SLC25A13: variants seen among roughly 807,000 people sequenced by gnomAD.
SLC25A13 encodes the protein solute carrier family 25 member 13.
Under a neutral mutation model 85.5 loss-of-function variants are expected in SLC25A13, and 70 were observed. The ratio of observed to expected loss-of-function variants is 0.82; its 90% confidence interval spans 0.68 to 1.00. SLC25A13 has a LOEUF of 1.00. SLC25A13 is among the 50% of genes least tolerant of loss of function. The pLI is 0.00. For synonymous variants in SLC25A13, 259 were observed against 288.7 expected, an observed-to-expected ratio of 0.90 and a Z score of 1.04; for missense variants, 765 against 819.8, an observed-to-expected ratio of 0.93 and a Z score of 0.82.
chr7:96,289,008 A>AG (rs1799005106), intron 2 of SLC25A13, among the ~76,000 whole-genome samples: 1 of 152,182 alleles, frequency 6.6e-6, no homozygotes, highest in South Asian at 2.1e-4. Flanking sequence ...GGCGCCCCCC[A>AG]GTAGGGGCAG....
chr7:96,208,566 T>C (rs919729126), intron 5 of SLC25A13, among the ~76,000 whole-genome samples: 6 of 150,800 alleles, frequency 4.0e-5, no homozygotes, highest in Non-Finnish European at 8.9e-5. Context: ...ACTGCAGTGG[T>C]GCGATCTCAG....
intron 11 of SLC25A13, 62 bp from the exon 12 acceptor site, chr7:96,171,586 A>T: frequency 7.1e-7 from 1 of 1,404,046 alleles, no homozygotes; most frequent in East Asian, 2.4e-5. Flanking sequence ...ACAAATCAAC[A>T]GTTCTACAGA....
intron 13 of SLC25A13, among the ~76,000 whole-genome samples, chr7:96,153,706 C>G (rs966739988): frequency 1.3e-5 from 2 of 152,230 alleles, no homozygotes; most frequent in Non-Finnish European, 1.5e-5. Context: ...TTATTGCCCA[C>G]TCTATTAGTA....
intron 3 of SLC25A13, among the ~76,000 whole-genome samples, chr7:96,241,516 C>T (rs1268047999): frequency 1.3e-5 from 2 of 152,090 alleles, no homozygotes; most frequent in East Asian, 3.9e-4. Context: ...GTCATTTACA[C>T]AATGATGTGT....
intron 14 of SLC25A13, among the ~76,000 whole-genome samples, chr7:96,134,408 A>G (rs930440532): frequency 1.8e-4 from 28 of 152,178 alleles, no homozygotes; most frequent in African/African-American, 6.7e-4. Flanking sequence ...AACAGTCACT[A>G]ATTTTGTATT....
intron 13 of SLC25A13, among the ~76,000 whole-genome samples, chr7:96,164,711 T>TACACACACACGCAC (rs1554344474): frequency 7.0e-5 from 10 of 143,040 alleles, no homozygotes; most frequent in African/African-American, 2.6e-4. Context: ...GGATTAACTT[T>TACACACACACGCAC]ACACACACAC....
intron 15 of SLC25A13, among the ~76,000 whole-genome samples, chr7:96,128,914 A>G (rs1446381056): frequency 6.8e-6 from 1 of 147,504 alleles, no homozygotes; most frequent in Non-Finnish European, 1.5e-5. Context: ...AAGTCATAGA[A>G]GACACTGCAG....
At chr7:96,145,021 T>A (rs780269859) in intron 14 of SLC25A13, among the ~76,000 whole-genome samples, 1 of 152,198 alleles carries the variant, frequency 6.6e-6, no homozygotes, top group Non-Finnish European at 1.5e-5. Context: ...TTTCTTCAAA[T>A]TGATCAATGC....
intron 3 of SLC25A13, among the ~76,000 whole-genome samples, chr7:96,249,850 A>C (rs1797341476): frequency 7.6e-6 from 1 of 130,904 alleles, no homozygotes; most frequent in South Asian, 2.6e-4. Context: ...TCCTTCAGAA[A>C]TTGGTTACTG....
intron 1 of SLC25A13, among the ~76,000 whole-genome samples, chr7:96,321,516 G>C (rs948842729): frequency 1.3e-5 from 2 of 151,992 alleles, no homozygotes; most frequent in African/African-American, 2.4e-5. Context: ...GCTTCAGCCC[G>C]GGCTCTGGCC....
chr7:96,136,663 A>G (rs1239394443), intron 14 of SLC25A13, among the ~76,000 whole-genome samples: 1 of 152,188 alleles, frequency 6.6e-6, no homozygotes, highest in African/African-American at 2.4e-5. Flanking sequence ...GTCTTTTTGC[A>G]TGCTAATTCC....
At chr7:96,213,662 C>T (rs1185782726) in intron 4 of SLC25A13, among the ~76,000 whole-genome samples, 5 of 152,132 alleles carry the variant, frequency 3.3e-5, no homozygotes, top group Admixed American at 6.5e-5. Flanking sequence ...CAGAATAACT[C>T]GTAACTCAGT....
At chr7:96,224,214 C>A (rs747966901) in intron 4 of SLC25A13, among the ~76,000 whole-genome samples, 2 of 152,102 alleles carry the variant, frequency 1.3e-5, no homozygotes, top group Non-Finnish European at 2.9e-5. Flanking sequence ...TACTGTGAAG[C>A]CTAAATAATG....
intron 4 of SLC25A13, among the ~76,000 whole-genome samples, chr7:96,221,195 A>G (rs114928689): frequency 0.013 from 1,936 of 152,272 alleles, 39 homozygotes; most frequent in African/African-American, 0.045. Context: ...GAACTGGAAC[A>G]GTTTCTGGAC....
chr7:96,153,588 T>C (rs1793133526), intron 13 of SLC25A13, among the ~76,000 whole-genome samples: 1 of 152,148 alleles, frequency 6.6e-6, no homozygotes, highest in African/African-American at 2.4e-5. Context: ...CCACAGCGGG[T>C]TCTCTATTAA....
At position 96,170,120 on chromosome 7, in the gene SLC25A13, G is replaced by A. The variant is rs747257110; in HGVS notation, c.1236C>T (p.Asn412=). ...GCATAAATTTATCCCTCACAAAATC[G>A]TTCACCTTGAAGAAAAATATTTATA... is the stretch of plus-strand genomic sequence containing the variant. The part of the protein sequence containing the change: ...APEKAIKLTV[N]DFVRDKFMHK... Residue 412 remains asparagine, a synonymous_variant, in exon 13 of 18, where the codon AAC becomes AAT. Transcript: ENST00000265631. 3.7e-5 allele frequency: 59 copies of A among 1,613,878 alleles called. No homozygotes were observed. In the Admixed American group the frequency reaches 4.0e-4, roughly 11 times the overall value.
chr7:96,143,616 CTATT>C (rs1479760184), intron 14 of SLC25A13, among the ~76,000 whole-genome samples: 6 of 152,182 alleles, frequency 3.9e-5, no homozygotes, highest in Admixed American at 3.3e-4. Context: ...TTGTGCTAAA[CTATT>C]TCTTACTTTA....
intron 2 of SLC25A13, among the ~76,000 whole-genome samples, chr7:96,291,974 A>C (rs564112905): frequency 7.5e-4 from 114 of 152,232 alleles, no homozygotes; most frequent in African/African-American, 2.5e-3. Flanking sequence ...GAGACACAAC[A>C]AAAAAAGAGC....
chr7:96,207,764 T>C (rs1795513482), intron 5 of SLC25A13, among the ~76,000 whole-genome samples: 1 of 152,142 alleles, frequency 6.6e-6, no homozygotes, highest in Admixed American at 6.5e-5. Context: ...CCTTGCATCA[T>C]CAGTGGCCCA....
Sources: gnomAD v4.1 joint callset for allele counts (sites outside exome capture counted in the v4.1 genomes callset) on GRCh38, gnomAD v4.1.1 for gene constraint, MANE v1.5 for transcripts, NCBI Gene and HGNC (gene_info 2026-07-23, HGNC 2026-07-21) for gene names.